ORC4: variants seen among roughly 807,000 people sequenced by gnomAD.
The protein encoded by ORC4 is origin recognition complex subunit 4.
A neutral mutation model predicts 63.9 loss-of-function variants in ORC4; 55 were observed. The observed-to-expected ratio is 0.86, with a 90% CI of 0.69 to 1.08. The LOEUF (loss-of-function observed/expected upper bound fraction) is 1.08, where lower values mean the gene tolerates loss of function less well. Among genes scored for constraint, ORC4 ranks in the 50% least tolerant of loss-of-function variants. The pLI is 0.00. For missense variants in ORC4, 511 were observed against 504.4 expected (o/e 1.01, Z -0.13); for synonymous variants, 150 against 168.5 (o/e 0.89, Z 0.85).
Position 147,976,872 on chromosome 2 carries a change from G to GA in ORC4, c.-17-898dup, listed in dbSNP as rs964503610. On this transcript the variant is annotated intron_variant, in intron 1 of 13. Transcript: ENST00000392857. ...AAAGTTGGCAATGAATAACTGGAAT[G>GA]AAAAAAAAATTAATGAAAAAATTAT... is the stretch of plus-strand genomic sequence containing the variant. Among the ~76,000 whole-genome samples, 5 of 150,776 alleles carry GA rather than the reference G, an allele frequency of 3.3e-5. 1 individual carries two copies. The highest frequency in any genetic ancestry group is 4.2e-4 in the South Asian group (2 of 4,756).
At chr2:147,953,923 G>A (rs1689109461) in intron 7 of ORC4, among the ~76,000 whole-genome samples, 2 of 152,072 alleles carry the variant, frequency 1.3e-5, no homozygotes, top group South Asian at 4.1e-4. Context: ...AGAGACTTAT[G>A]TACTAATATA....
chr2:147,970,214 T>C (rs983192944), intron 4 of ORC4, among the ~76,000 whole-genome samples: 3 of 152,164 alleles, frequency 2.0e-5, no homozygotes, highest in Admixed American at 2.0e-4. Context: ...AATAAATAGA[T>C]ACTCCAAGAA....
At chr2:147,974,265 A>G (rs933637104) in intron 2 of ORC4, among the ~76,000 whole-genome samples, 17 of 152,290 alleles carry the variant, frequency 1.1e-4, no homozygotes, top group Middle Eastern at 3.4e-3. Flanking sequence ...TTAAAAGGTT[A>G]AGTCTGTTCT....
rs1315378962 is a variant in ORC4 at position 147,948,184 on chromosome 2, A to C, written c.629T>G (p.Phe210Cys). 1.2e-6 allele frequency: 2 copies of C among 1,610,278 alleles called. No homozygotes were observed. Among genetic ancestry groups the C allele is most frequent in the African/African-American group, 2.7e-5 (2 of 74,792 alleles). The change falls in exon 9 of 14, where the codon TTT becomes TGT. Residue 210 changes from phenylalanine (F) to cysteine (C), a missense_variant. By Grantham distance (205) the Phe-to-Cys change is radical. Coordinates refer to ENST00000392857, the MANE Select transcript of ORC4 (RefSeq NM_181741.4). ...CATTAAGTGTATCTGCCGGTGAGAAAATCTTGACTTCACTCTTTTTTCTAA... is the reference window on the plus strand; with the variant it reads ...CATTAAGTGTATCTGCCGGTGAGAACATCTTGACTTCACTCTTTTTTCTAA... The part of the protein sequence containing the change: ...ELLEKRVKSR[F>C]SHRQIHLMNS...
intron 4 of ORC4, among the ~76,000 whole-genome samples, chr2:147,959,623 T>A: frequency 6.6e-6 from 1 of 152,150 alleles, no homozygotes; most frequent in Non-Finnish European, 1.5e-5. Context: ...AATATGCTAC[T>A]TATTTGTCAT....
intron 4 of ORC4, among the ~76,000 whole-genome samples, chr2:147,959,404 C>CA (rs1689451874): frequency 6.6e-6 from 1 of 151,472 alleles, no homozygotes. Flanking sequence ...TAAGAAAAGC[C>CA]AAAAACCTAT....
chr2:147,948,288 A>G (rs1424328436), intron 8 of ORC4, 64 bp from the exon 9 acceptor site: 1 of 1,090,416 alleles, frequency 9.2e-7, no homozygotes, highest in Non-Finnish European at 1.4e-6. Context: ...AAAACACTGT[A>G]CCAATGTTAG....
intron 1 of ORC4, among the ~76,000 whole-genome samples, chr2:148,018,311 T>C (rs180897356): frequency 1.7e-3 from 262 of 152,294 alleles, no homozygotes; most frequent in African/African-American, 5.8e-3. Context: ...AAATAACTCT[T>C]GGTGAGACAG....
intron 6 of ORC4, among the ~76,000 whole-genome samples, chr2:147,957,188 T>C (rs1422748412): frequency 2.7e-5 from 4 of 147,480 alleles, no homozygotes; most frequent in Non-Finnish European, 6.0e-5. Flanking sequence ...GATAATTATA[T>C]AGATATAACC....
At chr2:147,974,137 T>G (rs946022758) in intron 2 of ORC4, among the ~76,000 whole-genome samples, 2 of 152,084 alleles carry the variant, frequency 1.3e-5, no homozygotes, top group South Asian at 4.2e-4. Context: ...TCTTGTTCCA[T>G]GTACAGAGGC....
At chr2:148,012,161 G>C (rs868070075) in intron 1 of ORC4, among the ~76,000 whole-genome samples, 1 of 151,882 alleles carries the variant, frequency 6.6e-6, no homozygotes, top group Admixed American at 6.6e-5. Context: ...AAAAAGAACA[G>C]AGCTGGTAAC....
At chr2:147,976,299 T>C (rs1013759772) in intron 1 of ORC4, among the ~76,000 whole-genome samples, 21 of 152,288 alleles carry the variant, frequency 1.4e-4, no homozygotes, top group Admixed American at 4.6e-4. Flanking sequence ...CCATTTTGTG[T>C]CTGTCAGCAT....
At chr2:147,936,232 G>C (rs866575866) in intron 13 of ORC4, 4 of 158,402 alleles carry the variant, frequency 2.5e-5, no homozygotes, top group Admixed American at 1.2e-4. Flanking sequence ...CAGCAGGCTA[G>C]TATGGACATG....
chr2:147,968,054 C>A (rs1455644136), intron 4 of ORC4, among the ~76,000 whole-genome samples: 1 of 151,982 alleles, frequency 6.6e-6, no homozygotes, highest in African/African-American at 2.4e-5. Flanking sequence ...AGGGAAAGGG[C>A]AATTTCTTCA....
In ORC4 at chr2:147,958,797, A is replaced by G. The variant is rs778587989; in HGVS notation, c.295T>C (p.Leu99=). The change falls in exon 5 of 14, where the codon TTA becomes CTA. Residue 99 remains leucine, a synonymous_variant. Coordinates refer to ENST00000392857, the MANE Select transcript of ORC4 (RefSeq NM_181741.4). ...AAAATAATGGCATACTTACCATTTAAGTGAACTTGTAATACATTTTCACTC... is the reference window on the plus strand; with the variant it reads ...AAAATAATGGCATACTTACCATTTAGGTGAACTTGTAATACATTTTCACTC... ...EVSENVLQVH[L]NGLLQINDKI... is the part of the protein sequence containing the mutation. The G allele has an allele frequency of 3.5e-6, 5 of 1,447,228 alleles. No homozygotes were observed. Among genetic ancestry groups the G allele is most frequent in the Admixed American group, 3.4e-5 (2 of 59,592 alleles). The allele number at this position is 1,447,228 out of a possible 1,614,324, so 89.6% of individuals were successfully genotyped here. A position where few individuals can be genotyped will look rare whatever the true frequency, so the allele number is the denominator to read the frequency against.
intron 1 of ORC4, among the ~76,000 whole-genome samples, chr2:147,978,604 A>G (rs1444832261): frequency 6.6e-6 from 1 of 152,216 alleles, no homozygotes; most frequent in African/African-American, 2.4e-5. Flanking sequence ...GACTGAGGAC[A>G]GTGGACTTAT....
intron 4 of ORC4, among the ~76,000 whole-genome samples, chr2:147,963,953 A>G (rs768090854): frequency 6.6e-6 from 1 of 152,200 alleles, no homozygotes; most frequent in Non-Finnish European, 1.5e-5. Flanking sequence ...CATTGACACA[A>G]ATCAGTACTT....
chr2:147,997,266 T>A (rs1040584143), intron 1 of ORC4, among the ~76,000 whole-genome samples: 1 of 152,162 alleles, frequency 6.6e-6, no homozygotes, highest in African/African-American at 2.4e-5. Flanking sequence ...AAAAGAGAAG[T>A]ATGGAACATG....
chr2:147,947,358 A>G (rs1421501068), intron 9 of ORC4, among the ~76,000 whole-genome samples: 1 of 152,056 alleles, frequency 6.6e-6, no homozygotes, highest in South Asian at 2.1e-4. Context: ...TTAAATACAC[A>G]CACATATGCA....
Sources: gnomAD v4.1 joint callset for allele counts (sites outside exome capture counted in the v4.1 genomes callset) on GRCh38, gnomAD v4.1.1 for gene constraint, MANE v1.5 for transcripts, NCBI Gene and HGNC (gene_info 2026-07-23, HGNC 2026-07-21) for gene names.